Variants in EEF2K observed in about 807,000 individuals in gnomAD.
EEF2K encodes eukaryotic elongation factor 2 kinase, also known as alternative protein EEF2K.
Under a neutral mutation model 93.8 loss-of-function variants are expected in EEF2K, and 70 were observed. The ratio of observed to expected loss-of-function variants is 0.75; its 90% CI spans 0.62 to 0.91. The LOEUF (loss-of-function observed/expected upper bound fraction) is 0.91. EEF2K is among the 40% of genes least tolerant of loss of function. The pLI, the probability that EEF2K is intolerant of heterozygous loss-of-function variation, is 0.00. For synonymous variants in EEF2K, 376 were observed against 380.8 expected (o/e 0.99, Z 0.15); for missense variants, 935 against 972.9 (o/e 0.96, Z 0.52).
At chr16:22,279,165 G>GCC (rs2047668567) in intron 16 of EEF2K, among the ~76,000 whole-genome samples, 1 of 151,634 alleles carries the variant, frequency 6.6e-6, no homozygotes, top group Non-Finnish European at 1.5e-5. Context: ...TAGCTAAGCT[G>GCC]CCCTTTACTT....
chr16:22,257,537 C>T, intron 8 of EEF2K, 106 bp from the exon 9 acceptor site: 1 of 1,551,264 alleles, frequency 6.4e-7, no homozygotes, highest in Non-Finnish European at 8.7e-7. Context: ...TGCCTCCCAG[C>T]TTGGCACGTT....
intron 6 of EEF2K, among the ~76,000 whole-genome samples, chr16:22,255,703 G>A (rs1294518426): frequency 6.6e-6 from 1 of 152,076 alleles, no homozygotes; most frequent in African/African-American, 2.4e-5. Context: ...CTTGAGGCCA[G>A]TTCAAGACCA....
chr16:22,210,428 GAGTTTAATTT>G (rs983593171), intron 1 of EEF2K, among the ~76,000 whole-genome samples: 6 of 152,302 alleles, frequency 3.9e-5, no homozygotes, highest in East Asian at 1.9e-4. Flanking sequence ...CCCATCCCCA[GAGTTTAATTT>G]AGTAGGTCTG....
At chr16:22,218,001 A>G (rs1025039075) in intron 1 of EEF2K, among the ~76,000 whole-genome samples, 1 of 152,138 alleles carries the variant, frequency 6.6e-6, no homozygotes, top group Admixed American at 6.6e-5. Flanking sequence ...TGTTGGCCTC[A>G]GCCCCATTCT....
At chr16:22,266,921 G>A (rs1192687094) in intron 15 of EEF2K, 45 bp downstream of exon 15, 1 of 1,561,832 alleles carries the variant, frequency 6.4e-7, no homozygotes, top group African/African-American at 1.3e-5. Context: ...GGTGGGACTT[G>A]GTCACCCTGT....
Position 22,287,488 on chromosome 16 carries a change from A to T in EEF2K, c.*3492A>T, listed in dbSNP as rs2047763323. On this transcript the variant is annotated 3_prime_UTR_variant, in exon 18 of 18. Coordinates refer to ENST00000263026, the MANE Select transcript of EEF2K (RefSeq NM_013302.5). ...ATCATCCAGTACTTTCATTTCACAAATGGAGAAACCGAGGTTCTGCCAGCT... is the reference window on the plus strand; with the variant it reads ...ATCATCCAGTACTTTCATTTCACAATTGGAGAAACCGAGGTTCTGCCAGCT... 1.3e-5 allele frequency: 2 copies of T among 152,218 alleles called. No homozygotes were observed. The highest frequency in any genetic ancestry group is 4.1e-4 in the South Asian group (2 of 4,836). 9.4% of individuals were successfully genotyped at this position (152,218 alleles called of 1,614,324 possible).
Position 22,285,777 on chromosome 16 carries a change from C to G in EEF2K, c.*1781C>G, listed in dbSNP as rs1352642232. On this transcript the variant is annotated 3_prime_UTR_variant, in exon 18 of 18. Transcript: ENST00000263026. Reference sequence around the variant, plus strand: ...AGTATAACATACAAACCATTCTTAACTATTCATTAAAATGGGTCCTTCAAC... The same window carrying G: ...AGTATAACATACAAACCATTCTTAAGTATTCATTAAAATGGGTCCTTCAAC... 1 of 152,540 alleles carries G rather than the reference C, an allele frequency of 6.6e-6. No homozygotes were observed. Among genetic ancestry groups the G allele is most frequent in the Admixed American group, 6.5e-5 (1 of 15,282 alleles). The allele number at this position is 152,540 out of a possible 1,614,324, so 9.4% of individuals were successfully genotyped here. A position where few individuals can be genotyped will look rare whatever the true frequency, so the allele number is the denominator to read the frequency against.
chr16:22,282,513 G>A (rs1035039081), intron 17 of EEF2K, among the ~76,000 whole-genome samples: 3 of 152,352 alleles, frequency 2.0e-5, no homozygotes, highest in African/African-American at 7.2e-5. Flanking sequence ...CCACTGTGAA[G>A]GTGTCAAGAG....
intron 1 of EEF2K, among the ~76,000 whole-genome samples, chr16:22,218,516 A>G (rs377119376): frequency 1.3e-5 from 2 of 152,284 alleles, no homozygotes; most frequent in South Asian, 2.1e-4. Flanking sequence ...TGAGCATTGC[A>G]GGCATAGTTT....
At chr16:22,208,821 T>A (rs2046888745) in intron 1 of EEF2K, among the ~76,000 whole-genome samples, 1 of 152,150 alleles carries the variant, frequency 6.6e-6, no homozygotes. Context: ...CCAGTACCCA[T>A]GTTCTCGTCC....
chr16:22,277,249 G>A (rs950353033), intron 16 of EEF2K, among the ~76,000 whole-genome samples: 5 of 151,976 alleles, frequency 3.3e-5, no homozygotes, highest in South Asian at 2.1e-4. Flanking sequence ...CTATCCTCCC[G>A]CCTCAGCCTC....
At chr16:22,232,722 G>GT (rs2047128351) in intron 2 of EEF2K, among the ~76,000 whole-genome samples, 1 of 152,128 alleles carries the variant, frequency 6.6e-6, no homozygotes, top group Non-Finnish European at 1.5e-5. Flanking sequence ...TTGATAAAAT[G>GT]TTTGACTGTG....
chr16:22,225,764 G>A lies in EEF2K; in HGVS notation c.35G>A (p.Gly12Asp). The change falls in exon 2 of 18, where the codon GGC becomes GAC. Residue 12 changes from glycine to aspartate, a missense_variant. Coordinates refer to ENST00000263026, the MANE Select transcript of EEF2K (RefSeq NM_013302.5). ...GAAGATCTCATCTTCCGCCTGGAAG[G>A]CGTTGATGGCGGCCAGTCCCCCCGA... is the stretch of plus-strand genomic sequence containing the variant. ...ADEDLIFRLE[G>D]VDGGQSPRAG... is the part of the protein sequence containing the mutation. 1.2e-6 allele frequency: 2 copies of A among 1,614,216 alleles called. No homozygotes were observed. Among genetic ancestry groups the A allele is most frequent in the Non-Finnish European group, 1.7e-6 (2 of 1,180,044 alleles).
rs1466921047 is a variant in EEF2K at position 22,286,769 on chromosome 16, A to C, written c.*2773A>C. ...GCACCAAAACACAGTGCTTTGGCAT[A>C]GAGTAGGCACTCAACAAGTGTGTGA... On this transcript the variant is annotated 3_prime_UTR_variant, in exon 18 of 18. Transcript: ENST00000263026. 6.6e-6 allele frequency: 1 copy of C among 152,248 alleles called. No individual in the cohort carries two copies. The highest frequency in any genetic ancestry group is 2.4e-5 in the African/African-American group (1 of 41,444). The allele number at this position is 152,248 out of a possible 1,614,324, so 9.4% of individuals were successfully genotyped here. A position where few individuals can be genotyped will look rare whatever the true frequency, so the allele number is the denominator to read the frequency against.
At chr16:22,214,285 T>C (rs1277801047) in intron 1 of EEF2K, among the ~76,000 whole-genome samples, 3 of 151,698 alleles carry the variant, frequency 2.0e-5, no homozygotes, top group Non-Finnish European at 4.4e-5. Flanking sequence ...CAGTAGCTCA[T>C]GCATGTAATC....
Position 22,257,322 on chromosome 16 carries a change from G to A in EEF2K, c.838G>A (p.Asp280Asn), listed in dbSNP as rs1884576800. The A allele has an allele frequency of 6.2e-7, 1 of 1,612,534 alleles. No individual in the cohort carries two copies. Among genetic ancestry groups the A allele is most frequent in the South Asian group, 1.1e-5 (1 of 91,024 alleles). The change falls in exon 8 of 18, where the codon GAT becomes AAT. Residue 280 changes from aspartate to asparagine, a missense_variant. Asp to Asn is a conservative substitution (Grantham distance 23). Transcript: ENST00000263026. ...LIVVDIQGVG[D>N]LYTDPQIHTE... ...AGTGGTGGACATCCAGGGAGTTGGG[G>A]ATCTCTACACTGACCCACAGATCCA...
At chr16:22,230,135 G>A (rs1465477259) in intron 2 of EEF2K, among the ~76,000 whole-genome samples, 2 of 152,148 alleles carry the variant, frequency 1.3e-5, no homozygotes, top group Admixed American at 6.5e-5. Context: ...TCAAGTGTCC[G>A]CAAGAGGGGC....
intron 17 of EEF2K, 51 bp from the exon 18 acceptor site, chr16:22,283,836 C>CA (rs762468351): frequency 6.5e-7 from 1 of 1,540,352 alleles, no homozygotes; most frequent in Non-Finnish European, 8.8e-7. Context: ...ACTGGGCTGG[C>CA]AAAAACAACA....
At chr16:22,244,755 A>C in intron 3 of EEF2K, 25 bp downstream of exon 3, 1 of 1,612,370 alleles carries the variant, frequency 6.2e-7, no homozygotes, top group East Asian at 2.2e-5. Flanking sequence ...TGGGGTCTCG[A>C]GGAGTCCTGG....
Sources: allele counts gnomAD v4.1 joint callset (sites outside exome capture counted in the v4.1 genomes callset), GRCh38; gene constraint gnomAD v4.1.1; transcripts MANE v1.5; gene names NCBI Gene and HGNC (gene_info 2026-07-23, HGNC 2026-07-21).